KLF8: variants seen among roughly 807,000 people sequenced by gnomAD.
KLF8 encodes the protein KLF transcription factor 8, also known as Krueppel-like factor 8.
KLF8 carries 10 observed loss-of-function variants against 18.2 expected under a neutral mutation model. The ratio of observed to expected loss-of-function variants is 0.55; its 90% CI spans 0.34 to 0.93. The LOEUF (loss-of-function observed/expected upper bound fraction) is 0.93, where lower values mean the gene tolerates loss of function less well. Among genes scored for constraint, KLF8 ranks in the 40% least tolerant of loss-of-function variants. The probability of loss-of-function intolerance (pLI) is 0.02; values close to 1 mark genes in which losing one functional copy is unlikely to be tolerated. For missense variants in KLF8, 264 were observed against 277.9 expected, an observed-to-expected ratio of 0.95 and a Z score of 0.36; for synonymous variants, 109 against 97.3, an observed-to-expected ratio of 1.12 and a Z score of -0.71.
the KLF8 span, among the ~76,000 whole-genome samples, chrX:56,113,597 T>A: frequency 4.8e-5 from 2 of 42,061 alleles, no homozygotes; most frequent in African/African-American, 1.0e-4. Context: ...GACAAAAAAA[T>A]TAAAAAGGAG....
intron 1 of KLF8, among the ~76,000 whole-genome samples, chrX:56,249,498 T>G (rs2147603863): frequency 8.9e-6 from 1 of 111,886 alleles, no homozygotes; most frequent in South Asian, 3.8e-4. Context: ...AACCTTAATT[T>G]AACAAACCCC....
the KLF8 span, among the ~76,000 whole-genome samples, chrX:55,976,935 A>G: frequency 1.8e-5 from 2 of 112,113 alleles, no homozygotes; most frequent in African/African-American, 6.5e-5. Flanking sequence ...TTCTTAGTGT[A>G]CCAAAATGCA....
chrX:55,959,514 G>A, the KLF8 span, among the ~76,000 whole-genome samples: 2 of 111,757 alleles, frequency 1.8e-5, no homozygotes, highest in East Asian at 5.6e-4. Context: ...ACAGTAAAAT[G>A]GTCCAAGAGT....
the KLF8 span, among the ~76,000 whole-genome samples, chrX:55,997,972 G>A: frequency 1.8e-5 from 2 of 111,677 alleles, no homozygotes; most frequent in African/African-American, 6.5e-5. Flanking sequence ...TTCTCCGAGA[G>A]GGGGATGTGT....
At chrX:56,065,289 C>G in the KLF8 span, among the ~76,000 whole-genome samples, 1 of 111,021 alleles carries the variant, frequency 9.0e-6, no homozygotes, top group Non-Finnish European at 1.9e-5. Flanking sequence ...TTAATTTTTT[C>G]CTGTTTTTTT....
At chrX:56,199,096 G>C in the KLF8 span, among the ~76,000 whole-genome samples, 1 of 112,017 alleles carries the variant, frequency 8.9e-6, no homozygotes, top group Non-Finnish European at 1.9e-5. Context: ...ATTCAAGATG[G>C]ATGAAAGACT....
the KLF8 span, among the ~76,000 whole-genome samples, chrX:55,945,827 C>T: frequency 1.8e-5 from 2 of 110,911 alleles, no homozygotes; most frequent in Admixed American, 9.6e-5. Flanking sequence ...AAATCACAAG[C>T]ATTCTTATAC....
chrX:56,012,005 G>A, the KLF8 span, among the ~76,000 whole-genome samples: 7 of 111,723 alleles, frequency 6.3e-5, no homozygotes, highest in East Asian at 1.7e-3. Context: ...CGGATTTACA[G>A]CTGAATTCTA....
At chrX:56,168,480 C>A in the KLF8 span, among the ~76,000 whole-genome samples, 1 of 112,171 alleles carries the variant, frequency 8.9e-6, no homozygotes, top group Non-Finnish European at 1.9e-5. Context: ...TGACCTTTTA[C>A]ACATAAACAT....
the KLF8 span, among the ~76,000 whole-genome samples, chrX:56,146,535 G>A: frequency 1.8e-5 from 2 of 110,554 alleles, no homozygotes; most frequent in African/African-American, 6.6e-5. Context: ...ACACAGGGAG[G>A]GGAACATCAC....
the KLF8 span, among the ~76,000 whole-genome samples, chrX:56,161,460 T>C: frequency 8.0e-5 from 9 of 112,075 alleles, no homozygotes; most frequent in African/African-American, 2.9e-4. Flanking sequence ...GGAAGCTTTG[T>C]TCATTTCTTT....
the KLF8 span, among the ~76,000 whole-genome samples, chrX:56,054,401 T>G: frequency 8.9e-6 from 1 of 111,985 alleles, no homozygotes; most frequent in Non-Finnish European, 1.9e-5. Context: ...TGGTTTTGAA[T>G]GAATTTTTTA....
At chrX:56,029,385 A>G in the KLF8 span, among the ~76,000 whole-genome samples, 1 of 111,517 alleles carries the variant, frequency 9.0e-6, no homozygotes, top group Non-Finnish European at 1.9e-5. Flanking sequence ...ACAGAAATTG[A>G]TGAGTCACTT....
At chrX:55,974,111 G>A in the KLF8 span, among the ~76,000 whole-genome samples, 2 of 111,199 alleles carry the variant, frequency 1.8e-5, no homozygotes, top group South Asian at 3.8e-4. Flanking sequence ...ATTCTCTTTC[G>A]TAAGTGGGAG....
At chrX:56,049,006 A>T in the KLF8 span, among the ~76,000 whole-genome samples, 6 of 111,175 alleles carry the variant, frequency 5.4e-5, no homozygotes, top group East Asian at 1.1e-3. Context: ...TTGGATTCCT[A>T]GGTATTTTAT....
At chrX:56,173,698 C>T in the KLF8 span, among the ~76,000 whole-genome samples, 1 of 111,770 alleles carries the variant, frequency 8.9e-6, no homozygotes, top group Non-Finnish European at 1.9e-5. Context: ...GCATTATGGC[C>T]ATTTTAATGA....
chrX:56,130,947 C>T, the KLF8 span, among the ~76,000 whole-genome samples: 5 of 111,317 alleles, frequency 4.5e-5, no homozygotes, highest in Non-Finnish European at 9.4e-5. Flanking sequence ...ACCTAACCAG[C>T]AAAGACAAAG....
the KLF8 span, among the ~76,000 whole-genome samples, chrX:56,076,143 AT>A: frequency 0.13 from 13,654 of 109,037 alleles, 1,609 homozygotes; most frequent in African/African-American, 0.37. Flanking sequence ...TGAACTCATA[AT>A]TTTTTTTTAT....
chrX:56,135,231 G>C, the KLF8 span, among the ~76,000 whole-genome samples: 2 of 111,264 alleles, frequency 1.8e-5, no homozygotes, highest in African/African-American at 6.5e-5. Context: ...AAATCATGCT[G>C]CTATAAAGAC....
Sources: gnomAD v4.1 joint callset for allele counts (sites outside exome capture counted in the v4.1 genomes callset) on GRCh38, gnomAD v4.1.1 for gene constraint, MANE v1.5 for transcripts, NCBI Gene and HGNC (gene_info 2026-07-23, HGNC 2026-07-21) for gene names.